NUTM2E: variants seen among roughly 807,000 people sequenced by gnomAD.
NUTM2E encodes the protein NUT family member 2E.
A neutral mutation model predicts 26.1 loss-of-function variants in NUTM2E; 3 were observed. The ratio of observed to expected loss-of-function variants is 0.12; its 90% CI spans 0.05 to 0.30. NUTM2E has a LOEUF of 0.30. NUTM2E is among the 10% of genes least tolerant of loss of function. The probability of loss-of-function intolerance (pLI) is 1.00; values close to 1 mark genes in which losing one functional copy is unlikely to be tolerated. For missense variants in NUTM2E, 62 were observed against 381.3 expected, an observed-to-expected ratio of 0.16 and a Z score of 6.97; for synonymous variants, 13 against 157.5, an observed-to-expected ratio of 0.08 and a Z score of 6.87.
chr10:79,837,340 A>G lies in NUTM2E; in HGVS notation c.-2727-969A>G, dbSNP rs1413542974. 5.3e-5 allele frequency among the ~76,000 whole-genome samples: 8 copies of G among 152,032 alleles called. 1 individual carries two copies. The highest frequency in any genetic ancestry group is 2.0e-4 in the Admixed American group (3 of 15,246). On this transcript the variant is annotated intron_variant, in intron 1 of 9. Coordinates refer to ENST00000429984, the MANE Select transcript of NUTM2E (RefSeq NM_001355263.2). ...TTTGGTTGTATATTAAGGCTTGAAC[A>G]TAAGGTTTGTGATATAAAGCTGTCT...
At chr10:79,833,307 G>T in intron 1 of NUTM2E, among the ~76,000 whole-genome samples, 1 of 151,548 alleles carries the variant, frequency 6.6e-6, no homozygotes. Flanking sequence ...CTGTGCATCA[G>T]AACATACTCA....
chr10:79,830,726 C>G (rs1589305850), intron 1 of NUTM2E, among the ~76,000 whole-genome samples: 1 of 151,686 alleles, frequency 6.6e-6, no homozygotes, highest in South Asian at 2.1e-4. Flanking sequence ...GAACATTTCA[C>G]ATGAACATCT....
chr10:79,833,091 G>A (rs183509134), intron 1 of NUTM2E, among the ~76,000 whole-genome samples: 2 of 151,978 alleles, frequency 1.3e-5, no homozygotes, highest in East Asian at 3.9e-4. Context: ...CCAGAGAAAA[G>A]TCACTTATGT....
In NUTM2E at chr10:79,826,786, G is replaced by C. The variant is rs1841883107; in HGVS notation, c.-3299G>C. On this transcript the variant is annotated 5_prime_UTR_variant, in exon 1 of 10. Coordinates refer to ENST00000429984, the MANE Select transcript of NUTM2E (RefSeq NM_001355263.2). ...GGGAGCAGAGCTAGCCGAGTAGGGCGCCCGGCTGTCAAACTGGCCGGCGCA... is the reference window on the plus strand; with the variant it reads ...GGGAGCAGAGCTAGCCGAGTAGGGCCCCCGGCTGTCAAACTGGCCGGCGCA... 1 of 152,500 alleles carries C rather than the reference G, an allele frequency of 6.6e-6. No individual in the cohort carries two copies. Among genetic ancestry groups the C allele is most frequent in the African/African-American group, 2.4e-5 (1 of 41,360 alleles). The allele number at this position is 152,500 out of a possible 1,614,324, so 9.4% of individuals were successfully genotyped here.
chr10:79,846,900 CGGGA>C lies in NUTM2E; in HGVS notation c.1154_1157del (p.Arg385HisfsTer11). ...GGAGGAGGGACTGTGGCGGGCCATG[CGGGA>C]ATGGCAGCACACGAGCAACTTTGAC... On this transcript the variant is annotated frameshift_variant, in exon 6 of 10. Transcript: ENST00000429984. LOFTEE classifies it high-confidence loss of function. 1.6e-6 allele frequency: 1 copy of C among 641,438 alleles called. No individual in the cohort carries two copies. The highest frequency in any genetic ancestry group is 2.7e-6 in the Non-Finnish European group (1 of 377,060). 39.7% of individuals were successfully genotyped at this position (641,438 alleles called of 1,614,324 possible). A position where few individuals can be genotyped will look rare whatever the true frequency, so the allele number is the denominator to read the frequency against.
chr10:79,826,884 C>A lies in NUTM2E; in HGVS notation c.-3201C>A, dbSNP rs879336182. On this transcript the variant is annotated 5_prime_UTR_variant, in exon 1 of 10. Coordinates refer to ENST00000429984, the MANE Select transcript of NUTM2E (RefSeq NM_001355263.2). ...GTAGTCCCGGACGGGCCCGCGGCAT[C>A]GTCCGCGACGCAGCTCGGGATCCGG... 6.6e-6 allele frequency: 1 copy of A among 151,326 alleles called. No individual in the cohort carries two copies. The highest frequency in any genetic ancestry group is 2.1e-4 in the South Asian group (1 of 4,772). 9.4% of individuals were successfully genotyped at this position (151,326 alleles called of 1,614,324 possible). A position where few individuals can be genotyped will look rare whatever the true frequency, so the allele number is the denominator to read the frequency against.
intron 3 of NUTM2E, among the ~76,000 whole-genome samples, 178 bp downstream of exon 3, chr10:79,839,293 C>A (rs972950755): frequency 6.6e-6 from 1 of 151,096 alleles, no homozygotes; most frequent in Admixed American, 6.6e-5. Flanking sequence ...TTTTCCTACT[C>A]AGTCTGGAGG....
rs1841978080 is a variant in NUTM2E, at chr10:79,838,534, C to A, written c.-2502C>A. Among the ~76,000 whole-genome samples, 1 of 148,992 alleles carries A rather than the reference C, an allele frequency of 6.7e-6. No homozygotes were observed. Among genetic ancestry groups the A allele is most frequent in the Non-Finnish European group, 1.5e-5 (1 of 66,962 alleles). Reference sequence around the variant, plus strand: ...GAATGTGAAAGGCACGGCCGAGACACACTTTGAGGTTCCCACTGCATTGTT... The same window carrying A: ...GAATGTGAAAGGCACGGCCGAGACAAACTTTGAGGTTCCCACTGCATTGTT... On this transcript the variant is annotated 5_prime_UTR_variant, in exon 2 of 10. Transcript: ENST00000429984.
chr10:79,827,816 T>A, intron 1 of NUTM2E, among the ~76,000 whole-genome samples: 1 of 149,574 alleles, frequency 6.7e-6, no homozygotes, highest in Non-Finnish European at 1.5e-5. Flanking sequence ...TTTGTTTTTT[T>A]TTGTGATACG....
chr10:79,827,921 G>A (rs1312175484), intron 1 of NUTM2E, among the ~76,000 whole-genome samples: 5 of 150,398 alleles, frequency 3.3e-5, no homozygotes, highest in Non-Finnish European at 7.4e-5. Flanking sequence ...AGCCTCCCAA[G>A]TAGCTGGGAT....
chr10:79,832,900 C>T (rs1283630884), intron 1 of NUTM2E, among the ~76,000 whole-genome samples: 1 of 151,760 alleles, frequency 6.6e-6, no homozygotes, highest in East Asian at 1.9e-4. Flanking sequence ...TATATGTGGG[C>T]ATGCCTATAG....
chr10:79,836,450 T>C (rs1458707272), intron 1 of NUTM2E, among the ~76,000 whole-genome samples: 1 of 151,950 alleles, frequency 6.6e-6, no homozygotes, highest in Non-Finnish European at 1.5e-5. Flanking sequence ...CTTTATCTCT[T>C]GTAGTAGTTT....
At chr10:79,837,128 TAGTCAGAGCC>T (rs1256374514) in intron 1 of NUTM2E, among the ~76,000 whole-genome samples, 2 of 151,982 alleles carry the variant, frequency 1.3e-5, no homozygotes, top group African/African-American at 2.4e-5. Context: ...GACTTTTTCA[TAGTCAGAGCC>T]ACCTACCCAA....
chr10:79,832,124 C>T (rs200919811), intron 1 of NUTM2E, among the ~76,000 whole-genome samples: 13,896 of 151,676 alleles, frequency 0.092, 107 homozygotes, highest in South Asian at 0.19. Context: ...TACTATCACA[C>T]TGGGGACTAG....
intron 5 of NUTM2E, among the ~76,000 whole-genome samples, chr10:79,845,391 C>T (rs1386456798): frequency 8.9e-6 from 1 of 112,916 alleles, no homozygotes; most frequent in Non-Finnish European, 2.3e-5. Context: ...GGGGCCGATG[C>T]CGGGCAGGTA....
Position 79,838,950 on chromosome 10 carries a change from A to T in NUTM2E, c.-2279A>T, listed in dbSNP as rs412412. ...CCTCAAGGCTCCTGCGGCGGCGCAC[A>T]GGGCAGGCCAGGAGCCCGCCCTAGG... On this transcript the variant is annotated 5_prime_UTR_variant, in exon 3 of 10. Transcript: ENST00000429984. Among the ~76,000 whole-genome samples, 7 of 144,356 alleles carry T rather than the reference A, an allele frequency of 4.8e-5. No individual in the cohort carries two copies. Among genetic ancestry groups the T allele is most frequent in the Admixed American group, 1.4e-4 (2 of 14,522 alleles). 94.7% of individuals were successfully genotyped at this position (144,356 alleles called of 152,430 possible).
chr10:79,836,399 A>C (rs963011079), intron 1 of NUTM2E, among the ~76,000 whole-genome samples: 1 of 151,930 alleles, frequency 6.6e-6, no homozygotes, highest in Non-Finnish European at 1.5e-5. Flanking sequence ...TCTAGGATAC[A>C]TCTATGTACA....
In NUTM2E at chr10:79,839,083, C is replaced by T. The variant is rs1589308670; in HGVS notation, c.-2146C>T. ...CTCCATGACCGTGCCTCTGAGAAACCAGCGCGTCCGCAACGATCACTCCTA... is the reference window on the plus strand; with the variant it reads ...CTCCATGACCGTGCCTCTGAGAAACTAGCGCGTCCGCAACGATCACTCCTA... On this transcript the variant is annotated 5_prime_UTR_variant, in exon 3 of 10. An upstream open reading frame in the 5' UTR gains an earlier in-frame stop. Coordinates refer to ENST00000429984, the MANE Select transcript of NUTM2E (RefSeq NM_001355263.2). Among the ~76,000 whole-genome samples, 1 of 151,420 alleles carries T rather than the reference C, an allele frequency of 6.6e-6. No homozygotes were observed. The highest frequency in any genetic ancestry group is 2.4e-5 in the African/African-American group (1 of 41,324).
chr10:79,828,687 A>G (rs1276298813), intron 1 of NUTM2E, among the ~76,000 whole-genome samples: 1 of 151,898 alleles, frequency 6.6e-6, no homozygotes, highest in Non-Finnish European at 1.5e-5. Flanking sequence ...AGAAAACTAC[A>G]TAGGTGTTTA....
Sources: gnomAD v4.1 joint callset for allele counts (sites outside exome capture counted in the v4.1 genomes callset) on GRCh38, gnomAD v4.1.1 for gene constraint, MANE v1.5 for transcripts, NCBI Gene and HGNC (gene_info 2026-07-23, HGNC 2026-07-21) for gene names.